CDC5L: variants seen among roughly 807,000 people sequenced by gnomAD.
CDC5L encodes cell division cycle 5 like, also known as cell division cycle 5-like protein.
CDC5L carries 18 observed loss-of-function variants against 104.1 expected under a neutral mutation model. That is an observed-to-expected ratio of 0.17 (90% CI 0.12 to 0.26). The LOEUF (loss-of-function observed/expected upper bound fraction) is 0.26. Among genes scored for constraint, CDC5L ranks in the 10% least tolerant of loss-of-function variants. The probability of loss-of-function intolerance (pLI) is 1.00; values close to 1 mark genes in which losing one functional copy is unlikely to be tolerated. For missense variants in CDC5L, 673 were observed against 956.9 expected (o/e 0.70, Z 3.91); for synonymous variants, 331 against 322.7 (o/e 1.03, Z -0.28).
At chr6:44,404,173 C>T (rs932990500) in intron 6 of CDC5L, 146 bp downstream of exon 6, 2 of 500,778 alleles carry the variant, frequency 4.0e-6, no homozygotes, top group African/African-American at 4.0e-5. Flanking sequence ...GAGACAGGGT[C>T]TTGCTGTGTT....
intron 8 of CDC5L, among the ~76,000 whole-genome samples, chr6:44,418,750 A>G (rs1323226984): frequency 2.6e-5 from 4 of 151,634 alleles, no homozygotes; most frequent in Non-Finnish European, 5.9e-5. Flanking sequence ...GCCAGTGATG[A>G]TGAGCATTTT....
chr6:44,435,392 G>A (rs1792886624), intron 14 of CDC5L, among the ~76,000 whole-genome samples: 2 of 152,004 alleles, frequency 1.3e-5, no homozygotes, highest in South Asian at 4.2e-4. Flanking sequence ...TTATAAGTGG[G>A]TACATGTAGG....
intron 13 of CDC5L, among the ~76,000 whole-genome samples, chr6:44,427,530 G>A (rs116271078): frequency 2.0e-5 from 3 of 152,046 alleles, no homozygotes; most frequent in Non-Finnish European, 2.9e-5. Context: ...CTCTTTCTTC[G>A]CTTTTCACAA....
chr6:44,414,993 G>A (rs1791845209), intron 8 of CDC5L, among the ~76,000 whole-genome samples: 1 of 152,046 alleles, frequency 6.6e-6, no homozygotes. Flanking sequence ...TCTTGGGCAT[G>A]TGGATATCCA....
intron 7 of CDC5L, among the ~76,000 whole-genome samples, chr6:44,407,421 C>T (rs889678045): frequency 6.6e-6 from 1 of 151,848 alleles, no homozygotes; most frequent in Non-Finnish European, 1.5e-5. Context: ...CCGCCTTCCG[C>T]GTTCAAGCGA....
chr6:44,424,392 T>G, intron 10 of CDC5L, 27 bp from the exon 11 acceptor site: 3 of 1,600,088 alleles, frequency 1.9e-6, no homozygotes, highest in Non-Finnish European at 2.6e-6. Context: ...TATGCATGAA[T>G]TGAGAAGGAC....
At chr6:44,421,634 A>G (rs549180310) in intron 9 of CDC5L, among the ~76,000 whole-genome samples, 4 of 152,222 alleles carry the variant, frequency 2.6e-5, no homozygotes, top group Non-Finnish European at 4.4e-5. Context: ...TGTGGATAAA[A>G]AATATTCCAA....
rs1438672353 is a variant in CDC5L at position 44,406,228 on chromosome 6, GTTGT to G, written c.759-89_759-86del. 3.3e-6 allele frequency: 3 copies of G among 912,324 alleles called. No homozygotes were observed. The African/African-American group carries it at 5.1e-5, about 15-fold the overall frequency. The allele number at this position is 912,324 out of a possible 1,614,324, so 56.5% of individuals were successfully genotyped here. A position where few individuals can be genotyped will look rare whatever the true frequency, so the allele number is the denominator to read the frequency against. On this transcript the variant is annotated intron_variant, in intron 6 of 15. Coordinates refer to ENST00000371477, the MANE Select transcript of CDC5L (RefSeq NM_001253.4). Reference sequence around the variant, plus strand: ...TTTCAGTTATTTTCTTAGAAATGAGGTTGTTTGTTCAAAGGGTTTGAGTATTTGT... The same window carrying G: ...TTTCAGTTATTTTCTTAGAAATGAGGTTGTTCAAAGGGTTTGAGTATTTGT...
intron 5 of CDC5L, among the ~76,000 whole-genome samples, chr6:44,398,316 T>G (rs1489101031): frequency 1.3e-5 from 2 of 152,188 alleles, no homozygotes; most frequent in African/African-American, 4.8e-5. Context: ...TATCCATGGT[T>G]GTAGGGGACC....
intron 14 of CDC5L, among the ~76,000 whole-genome samples, chr6:44,434,766 C>T (rs952957305): frequency 2.0e-5 from 3 of 152,104 alleles, no homozygotes; most frequent in African/African-American, 7.2e-5. Context: ...GCTTAGTAAC[C>T]TTAACAAACT....
rs1354319509 is a variant in CDC5L at position 44,426,599 on chromosome 6, C to T, written c.1768C>T (p.His590Tyr). The T allele has an allele frequency of 2.5e-6, 4 of 1,613,324 alleles. No homozygotes were observed. The highest frequency in any genetic ancestry group is 3.4e-6 in the Non-Finnish European group (4 of 1,179,630). Residue 590 changes from histidine (H) to tyrosine (Y), a missense_variant, in exon 13 of 16, where the codon CAC becomes TAC. Transcript: ENST00000371477. ...AATGCTTCATTATGACCTTCTACAT[C>T]ACCCTTATGAACCATCTGGAAATAA... The part of the protein sequence containing the change: ...ITMLHYDLLH[H>Y]PYEPSGNKKG...
At chr6:44,443,132 C>T (rs1793286759) in intron 14 of CDC5L, among the ~76,000 whole-genome samples, 1 of 148,584 alleles carries the variant, frequency 6.7e-6, no homozygotes, top group Non-Finnish European at 1.5e-5. Context: ...TCTTTTCCTT[C>T]CTTCCTTTTC....
chr6:44,446,660 T>C lies in CDC5L; in HGVS notation c.2358T>C (p.His786=), dbSNP rs1793468014. ...RQQEREKELQ[H]RYADLLLEKE... ...AAGAAAGAGAAAAGGAACTTCAACA[T>C]AGATATGCTGATTTGCTGCTGGAGA... The change falls in exon 16 of 16, where the codon CAT becomes CAC. Residue 786 remains histidine, a synonymous_variant. Transcript: ENST00000371477. 1.3e-6 allele frequency: 2 copies of C among 1,598,268 alleles called. No individual in the cohort carries two copies. Among genetic ancestry groups the C allele is most frequent in the South Asian group, 1.1e-5 (1 of 88,062 alleles).
chr6:44,402,052 CATT>C (rs1791154947), intron 5 of CDC5L, among the ~76,000 whole-genome samples: 1 of 139,258 alleles, frequency 7.2e-6, no homozygotes, highest in African/African-American at 2.7e-5. Flanking sequence ...TCCAGTCTAT[CATT>C]GTTGGACATT....
chr6:44,420,863 A>G (rs1792137943), intron 9 of CDC5L, among the ~76,000 whole-genome samples: 1 of 152,274 alleles, frequency 6.6e-6, no homozygotes, highest in East Asian at 1.9e-4. Flanking sequence ...AATGAAAACA[A>G]ATGCCACCTC....
intron 14 of CDC5L, among the ~76,000 whole-genome samples, chr6:44,440,087 G>A (rs1793111363): frequency 1.3e-5 from 2 of 152,076 alleles, no homozygotes; most frequent in African/African-American, 4.8e-5. Flanking sequence ...AAATTGCAGA[G>A]GAATAAAAGC....
intron 4 of CDC5L, among the ~76,000 whole-genome samples, chr6:44,395,652 A>C (rs2153375076): frequency 6.6e-6 from 1 of 152,378 alleles, no homozygotes; most frequent in South Asian, 2.1e-4. Context: ...AGCATTTAAA[A>C]ATAGAAATAT....
At chr6:44,405,874 A>G (rs769178051) in intron 6 of CDC5L, among the ~76,000 whole-genome samples, 1 of 151,270 alleles carries the variant, frequency 6.6e-6, no homozygotes, top group Non-Finnish European at 1.5e-5. Context: ...GGACTACTTA[A>G]TGTATATTGT....
chr6:44,405,844 A>G (rs1345071388), intron 6 of CDC5L, among the ~76,000 whole-genome samples: 2 of 151,832 alleles, frequency 1.3e-5, no homozygotes, highest in African/African-American at 2.4e-5. Flanking sequence ...TATCTTGAAT[A>G]TGGTAAGTAA....
Sources: gnomAD v4.1 joint callset for allele counts (sites outside exome capture counted in the v4.1 genomes callset) on GRCh38, gnomAD v4.1.1 for gene constraint, MANE v1.5 for transcripts, NCBI Gene and HGNC (gene_info 2026-07-23, HGNC 2026-07-21) for gene names.